PLEKHG4: variants seen among roughly 807,000 people sequenced by gnomAD.
PLEKHG4 encodes the protein puratrophin-1.
Under a neutral mutation model 136.9 loss-of-function variants are expected in PLEKHG4, and 85 were observed. The observed-to-expected ratio is 0.62, with a 90% CI of 0.52 to 0.74. The LOEUF (loss-of-function observed/expected upper bound fraction) is 0.74. PLEKHG4 is among the 30% of genes least tolerant of loss of function. PLEKHG4 has a pLI of 0.00. For missense variants in PLEKHG4, 1,317 were observed against 1,527.8 expected, an observed-to-expected ratio of 0.86 and a Z score of 2.30; for synonymous variants, 577 against 646.9, an observed-to-expected ratio of 0.89 and a Z score of 1.64.
chr16:67,288,550 CAG>C lies in PLEKHG4; in HGVS notation c.3517_3518del (p.Ser1173GlnfsTer10). 2 of 1,614,070 alleles carry C rather than the reference CAG, an allele frequency of 1.2e-6. No homozygotes were observed. The highest frequency in any genetic ancestry group is 1.7e-6 in the Non-Finnish European group (2 of 1,179,882). ...CAGCCAGTGGCTCCAGTGGCTCTGA[CAG>C]CAGCTGTGTGTCAGGGCAGGCCCTG... ...PSASGSSGSD[S>X]SCVSGQALGR... is the part of the protein sequence containing the mutation. On this transcript the variant is annotated frameshift_variant, in exon 21 of 22. Transcript: ENST00000379344. LOFTEE classifies it high-confidence loss of function.
chr16:67,281,089 A>G lies in PLEKHG4; in HGVS notation c.720-2A>G. 1.2e-6 allele frequency: 2 copies of G among 1,614,066 alleles called. No individual in the cohort carries two copies. The highest frequency in any genetic ancestry group is 1.7e-6 in the Non-Finnish European group (2 of 1,179,934). On this transcript the variant is annotated splice_acceptor_variant, in intron 4 of 21. Coordinates refer to ENST00000379344, the MANE Select transcript of PLEKHG4 (RefSeq NM_001129729.3). LOFTEE classifies it high-confidence loss of function. ...GTACTGAACTGAAGCTCACCCCTTT[A>G]GGCCCGAAGTACAGGCACTGGGACT...
Position 67,280,050 on chromosome 16 carries a change from A to AAGGCCCCTGGAGAATGGGGATG in PLEKHG4, c.9_30dup (p.Ser11AlafsTer7), listed in dbSNP as rs1214281119. On this transcript the variant is annotated frameshift_variant, in exon 2 of 22. Coordinates refer to ENST00000379344, the MANE Select transcript of PLEKHG4 (RefSeq NM_001129729.3). LOFTEE classifies it high-confidence loss of function. The surrounding 1 kb of genome is among the most constrained non-coding windows in gnomAD (Gnocchi z 4.4). ...CCCACCTTTAGGAGGGCGTGATGGA[A>AAGGCCCCTGGAGAATGGGGATG]AGGCCCCTGGAGAATGGGGATGAGT... The AAGGCCCCTGGAGAATGGGGATG allele has an allele frequency of 1.2e-6, 2 of 1,612,838 alleles. No individual in the cohort carries two copies. Among genetic ancestry groups the AAGGCCCCTGGAGAATGGGGATG allele is most frequent in the Admixed American group, 3.3e-5 (2 of 60,008 alleles).
rs369328077 is a variant in PLEKHG4 at position 67,280,167 on chromosome 16, G to A, written c.123G>A (p.Met41Ile). ...AAGAGGAGGAACCTGCTTCCCAGAT[G>A]CACGTTAAGGACCCAGGTCCTCCAA... is the stretch of plus-strand genomic sequence containing the variant. ...AWEEEEPASQ[M>I]HVKDPGPPRP... Residue 41 changes from methionine (M) to isoleucine (I), a missense_variant, in exon 2 of 22, where the codon ATG becomes ATA. Transcript: ENST00000379344. The surrounding 1 kb of genome is among the most constrained non-coding windows in gnomAD (Gnocchi z 4.4). 2.7e-5 allele frequency: 43 copies of A among 1,613,914 alleles called. No homozygotes were observed. The highest frequency in any genetic ancestry group is 3.5e-5 in the Non-Finnish European group (41 of 1,179,984).
At chr16:67,283,955 G>T (rs1173647622) in intron 11 of PLEKHG4, among the ~76,000 whole-genome samples, 4 of 152,094 alleles carry the variant, frequency 2.6e-5, no homozygotes, top group Non-Finnish European at 5.9e-5. Flanking sequence ...GAGGAGCTGG[G>T]GGAGCCCAGT....
In PLEKHG4 at chr16:67,280,637, G is replaced by C. The variant is rs1257304220; in HGVS notation, c.500-74G>C. ...TTTGGAGGTCTCTGACCCTACTCAG[G>C]CTGAAGCCCGGGTCCAAGTAGGGGT... On this transcript the variant is annotated intron_variant, in intron 2 of 21. Coordinates refer to ENST00000379344, the MANE Select transcript of PLEKHG4 (RefSeq NM_001129729.3). This position sits in a 1 kb window ranked among gnomAD's most constrained non-coding sequence, Gnocchi z 4.4. 6.2e-7 allele frequency: 1 copy of C among 1,612,126 alleles called. No homozygotes were observed. The highest frequency in any genetic ancestry group is 1.7e-5 in the Admixed American group (1 of 60,004).
Position 67,279,589 on chromosome 16 carries a change from G to C in PLEKHG4, c.-207G>C, listed in dbSNP as rs989685455. On this transcript the variant is annotated 5_prime_UTR_variant, in exon 1 of 22. Transcript: ENST00000379344. ...CGAGGCCGCCGTCTGTTCGAAGGCT[G>C]TCCGACTTCACGGTTCCCCGCGGCT... The C allele has an allele frequency of 6.5e-6, 1 of 153,842 alleles. No individual in the cohort carries two copies. The highest frequency in any genetic ancestry group is 6.5e-5 in the Admixed American group (1 of 15,398). 9.5% of individuals were successfully genotyped at this position (153,842 alleles called of 1,614,324 possible). A position where few individuals can be genotyped will look rare whatever the true frequency, so the allele number is the denominator to read the frequency against.
chr16:67,282,582 C>G lies in PLEKHG4; in HGVS notation c.1333C>G (p.Arg445Gly). The change falls in exon 10 of 22, where the codon CGA becomes GGA. Residue 445 changes from arginine (R) to glycine (G), a missense_variant. Physicochemically the swap from Arg to Gly is moderately radical, Grantham distance 125 (BLOSUM62 -2). Coordinates refer to ENST00000379344, the MANE Select transcript of PLEKHG4 (RefSeq NM_001129729.3). The stretch of plus-strand genomic sequence containing the variant: ...CCAACTGACCCTGCAGAGCAACCAG[C>G]GAATACAGGCCCTAGAGTTGGTCCA... ...LHQLTLQSNQ[R>G]IQALELVQTL... 6.2e-7 allele frequency: 1 copy of G among 1,614,052 alleles called. No individual in the cohort carries two copies. Among genetic ancestry groups the G allele is most frequent in the South Asian group, 1.1e-5 (1 of 91,088 alleles).
In PLEKHG4 at chr16:67,284,417, G is replaced by A. The variant is rs528398511; in HGVS notation, c.1652G>A (p.Arg551Gln). 2.5e-4 allele frequency: 404 copies of A among 1,613,896 alleles called. 2 individuals are homozygous for A. In the South Asian group the frequency reaches 3.7e-3, roughly 15 times the overall value. Reference sequence around the variant, plus strand: ...AGGGCTTTGGCCCAGCGGTGCCAGCGGCTGGCGGATGCTGAGAGGCTGTTT... The same window carrying A: ...AGGGCTTTGGCCCAGCGGTGCCAGCAGCTGGCGGATGCTGAGAGGCTGTTT... Reference protein sequence around the residue: ...FSRALAQRCQRLADAERLFQL... With the variant: ...FSRALAQRCQQLADAERLFQL... The change falls in exon 12 of 22, where the codon CGG becomes CAG. Residue 551 changes from arginine (R) to glutamine (Q), a missense_variant. Coordinates refer to ENST00000379344, the MANE Select transcript of PLEKHG4 (RefSeq NM_001129729.3). This position sits in a 1 kb window ranked among gnomAD's most constrained non-coding sequence, Gnocchi z 4.4.
At position 67,288,784 on chromosome 16, in the gene PLEKHG4, G is replaced by T. The variant is rs371004225; in HGVS notation, c.3571-19G>T. The T allele has an allele frequency of 6.8e-5, 110 of 1,613,576 alleles. No homozygotes were observed. Among genetic ancestry groups the T allele is most frequent in the Non-Finnish European group, 7.9e-5 (93 of 1,179,824 alleles). On this transcript the variant is annotated intron_variant, in intron 21 of 21. Transcript: ENST00000379344. ...CAGAGTCAGGGAAGCAGGCATTCAT[G>T]CCTGGCCTGGCCCTGCAGGTCTGAG...
At chr16:67,283,978 G>A (rs1335245039) in intron 11 of PLEKHG4, among the ~76,000 whole-genome samples, 1 of 152,080 alleles carries the variant, frequency 6.6e-6, no homozygotes, top group African/African-American at 2.4e-5. Context: ...AGAGTGGGCT[G>A]AATGACGCTG....
chr16:67,289,444 T>G lies in PLEKHG4; in HGVS notation c.*636T>G. The G allele has an allele frequency of 1.8e-6, 1 of 560,964 alleles. No individual in the cohort carries two copies. Among genetic ancestry groups the G allele is most frequent in the Non-Finnish European group, 3.2e-6 (1 of 311,836 alleles). 34.7% of individuals were successfully genotyped at this position (560,964 alleles called of 1,614,324 possible). ...TAGGTCTTTGATGTGTGATTTAATC[T>G]TTTATTTGTTTATAATAAAAAATAG... On this transcript the variant is annotated 3_prime_UTR_variant, in exon 22 of 22. Transcript: ENST00000379344.
chr16:67,282,264 CTGGCA>C lies in PLEKHG4; in HGVS notation c.1173_1177del (p.Trp392ThrfsTer32), dbSNP rs2036267059. ...GCAGCAGGTGCTAGACTCGCCATGG[CTGGCA>C]TGGCTACAATGCCAGGGGGGCCGGG... On this transcript the variant is annotated frameshift_variant, in exon 9 of 22. Coordinates refer to ENST00000379344, the MANE Select transcript of PLEKHG4 (RefSeq NM_001129729.3). LOFTEE classifies it high-confidence loss of function. 14 of 1,613,300 alleles carry C rather than the reference CTGGCA, an allele frequency of 8.7e-6. No individual in the cohort carries two copies. Among genetic ancestry groups the C allele is most frequent in the Non-Finnish European group, 1.1e-5 (13 of 1,180,024 alleles).
intron 1 of PLEKHG4, 79 bp from the exon 2 acceptor site, chr16:67,279,797 C>T (rs1280516636): frequency 1.9e-6 from 1 of 522,890 alleles, no homozygotes; most frequent in Non-Finnish European, 3.5e-6. Context: ...AGGGTGGGCG[C>T]GCACGGAGCA....
chr16:67,280,733 T>C lies in PLEKHG4; in HGVS notation c.522T>C (p.Pro174=), dbSNP rs139825635. 1.2e-6 allele frequency: 2 copies of C among 1,614,084 alleles called. No individual in the cohort carries two copies. The highest frequency in any genetic ancestry group is 1.1e-5 in the South Asian group (1 of 91,086). Residue 174 remains proline, a synonymous_variant, in exon 3 of 22, where the codon CCT becomes CCC. Transcript: ENST00000379344. The surrounding 1 kb of genome is among the most constrained non-coding windows in gnomAD (Gnocchi z 4.4). ...AAGCCCCCAGTGGATCCGGCCTCCC[T>C]AAGCCTGCTGACTGCCTCCTGGCCC... The part of the protein sequence containing the change: ...LEAAPSGSGL[P]KPADCLLAQD...
In PLEKHG4 at chr16:67,284,423, C is replaced by T. The variant is rs745336286; in HGVS notation, c.1658C>T (p.Ala553Val). 126 of 1,611,196 alleles carry T rather than the reference C, an allele frequency of 7.8e-5. No homozygotes were observed. The highest frequency in any genetic ancestry group is 9.7e-5 in the Non-Finnish European group (115 of 1,179,532). ...RALAQRCQRL[A>V]DAERLFQLFR... ...TTGGCCCAGCGGTGCCAGCGGCTGG[C>T]GGATGCTGAGAGGCTGTTTCAGCTC... The change falls in exon 12 of 22, where the codon GCG becomes GTG. Residue 553 changes from alanine (A) to valine (V), a missense_variant. Coordinates refer to ENST00000379344, the MANE Select transcript of PLEKHG4 (RefSeq NM_001129729.3). The surrounding 1 kb of genome is among the most constrained non-coding windows in gnomAD (Gnocchi z 4.4).
chr16:67,289,285 G>A lies in PLEKHG4; in HGVS notation c.*477G>A. ...CTGGGCCCTCATGCTTGCCTTTCCT[G>A]GCCCCCAGGCCCAGCCCCTTTTTAC... is the stretch of plus-strand genomic sequence containing the variant. On this transcript the variant is annotated 3_prime_UTR_variant, in exon 22 of 22. Transcript: ENST00000379344. 2.4e-6 allele frequency: 1 copy of A among 413,676 alleles called. No individual in the cohort carries two copies. The highest frequency in any genetic ancestry group is 3.5e-5 in the South Asian group (1 of 28,860). The allele number at this position is 413,676 out of a possible 1,614,324, so 25.6% of individuals were successfully genotyped here. A position where few individuals can be genotyped will look rare whatever the true frequency, so the allele number is the denominator to read the frequency against.
At position 67,280,770 on chromosome 16, in the gene PLEKHG4, T is replaced by C; in HGVS notation, c.559T>C (p.Trp187Arg). 2 of 1,614,076 alleles carry C rather than the reference T, an allele frequency of 1.2e-6. No individual in the cohort carries two copies. The highest frequency in any genetic ancestry group is 8.5e-7 in the Non-Finnish European group (1 of 1,180,032). The change falls in exon 3 of 22, where the codon TGG becomes CGG. Residue 187 changes from tryptophan to arginine, a missense_variant. Transcript: ENST00000379344. This position sits in a 1 kb window ranked among gnomAD's most constrained non-coding sequence, Gnocchi z 4.4. ...ADCLLAQDLCWELLASGMATL... is the reference protein window; with the variant it reads ...ADCLLAQDLCRELLASGMATL... Reference sequence around the variant, plus strand: ...CTGCCTCCTGGCCCAAGACCTCTGTTGGGAGCTGCTGGCCAGTGGTATGGC... The same window carrying C: ...CTGCCTCCTGGCCCAAGACCTCTGTCGGGAGCTGCTGGCCAGTGGTATGGC...
In PLEKHG4 at chr16:67,282,491, A is replaced by G. The variant is rs1211288276; in HGVS notation, c.1254-12A>G. 1 of 1,613,604 alleles carries G rather than the reference A, an allele frequency of 6.2e-7. No individual in the cohort carries two copies. The highest frequency in any genetic ancestry group is 2.2e-5 in the East Asian group (1 of 44,870). On this transcript the variant is annotated splice_polypyrimidine_tract_variant and intron_variant, in intron 9 of 21. Transcript: ENST00000379344. ...CAAGGCAGGGGGTCTAAGATGGTAT[A>G]CCCTACACCAGGACGGCAATGGACA...
In PLEKHG4 at chr16:67,288,550, C is replaced by CA; in HGVS notation, c.3517dup (p.Ser1173LysfsTer11). On this transcript the variant is annotated frameshift_variant, in exon 21 of 22. Coordinates refer to ENST00000379344, the MANE Select transcript of PLEKHG4 (RefSeq NM_001129729.3). LOFTEE classifies it high-confidence loss of function. Reference sequence around the variant, plus strand: ...CAGCCAGTGGCTCCAGTGGCTCTGACAGCAGCTGTGTGTCAGGGCAGGCCC... The same window carrying CA: ...CAGCCAGTGGCTCCAGTGGCTCTGACAAGCAGCTGTGTGTCAGGGCAGGCCC... The CA allele has an allele frequency of 6.2e-7, 1 of 1,614,070 alleles. No homozygotes were observed.
Sources: allele counts gnomAD v4.1 joint callset (sites outside exome capture counted in the v4.1 genomes callset), GRCh38; gene constraint gnomAD v4.1.1; non-coding constraint Gnocchi (gnomAD v3.1); transcripts MANE v1.5; gene names NCBI Gene and HGNC (gene_info 2026-07-23, HGNC 2026-07-21).